The following KLHL13 variants were observed in gnomAD, a reference collection of about 807,000 sequenced individuals.
KLHL13 encodes kelch-like protein 13.
KLHL13 carries 10 observed loss-of-function variants against 37.1 expected under a neutral mutation model. That is an observed-to-expected ratio of 0.27 (90% CI 0.17 to 0.46). KLHL13 has a LOEUF of 0.46. Ranked by LOEUF, KLHL13 falls within the 20% of genes least tolerant of loss-of-function variation. The pLI is 1.00. For synonymous variants in KLHL13, 163 were observed against 181.2 expected, an observed-to-expected ratio of 0.90 and a Z score of 0.81; for missense variants, 360 against 509.3, an observed-to-expected ratio of 0.71 and a Z score of 2.82.
chrX:117,903,710 G>A (rs1233809359), intron 5 of KLHL13, among the ~76,000 whole-genome samples: 2 of 110,437 alleles, frequency 1.8e-5, no homozygotes, highest in Non-Finnish European at 3.8e-5. Context: ...GCCATTAATG[G>A]GAAGCTTTTA....
chrX:117,905,611 T>A (rs982426145), intron 5 of KLHL13, among the ~76,000 whole-genome samples: 2 of 111,838 alleles, frequency 1.8e-5, no homozygotes, highest in African/African-American at 6.5e-5. Context: ...AAAGGCCTAA[T>A]GCATTAAAGT....
At chrX:118,023,060 A>G in intron 1 of KLHL13, among the ~76,000 whole-genome samples, 1 of 111,930 alleles carries the variant, frequency 8.9e-6, no homozygotes, top group South Asian at 3.7e-4. Context: ...ATTTCTGTGT[A>G]CAATGTAATA....
At chrX:118,032,250 A>G (rs989585338) in intron 1 of KLHL13, among the ~76,000 whole-genome samples, 1 of 112,154 alleles carries the variant, frequency 8.9e-6, no homozygotes, top group African/African-American at 3.3e-5. Flanking sequence ...CAGCTCAAGG[A>G]GACCTGCCTG....
At position 117,963,559 on chromosome X, in the gene KLHL13, TTA is replaced by T. The variant is rs1228641472; in HGVS notation, c.98+9170_98+9171del. ...GCATGTGTCTTTATAGCAGCATGAT[TTA>T]TAGTCCTTTGGGTATATACCCAGTA... On this transcript the variant is annotated intron_variant, in intron 1 of 6. Coordinates refer to ENST00000262820, the Ensembl canonical transcript of KLHL13. Among the ~76,000 whole-genome samples, 157 of 107,285 alleles carry T rather than the reference TTA, an allele frequency of 1.5e-3. 1 individual carries two copies. The highest frequency in any genetic ancestry group is 5.1e-3 in the African/African-American group (149 of 29,368). 93.2% of individuals were successfully genotyped at this position (107,285 alleles called of 115,157 possible).
chrX:118,074,038 G>C (rs2054902571), intron 1 of KLHL13, among the ~76,000 whole-genome samples: 1 of 112,161 alleles, frequency 8.9e-6, no homozygotes, highest in Non-Finnish European at 1.9e-5. Context: ...TGACTCCCTT[G>C]TCCTATTTTT....
intron 1 of KLHL13, among the ~76,000 whole-genome samples, chrX:117,969,670 T>C (rs954665410): frequency 9.0e-6 from 1 of 111,718 alleles, no homozygotes; most frequent in African/African-American, 3.2e-5. Context: ...TGAAAGAATA[T>C]GTCTACCCAA....
chrX:117,898,912 G>A (rs1323980286), exon 7 of KLHL13: 1 of 1,200,164 alleles, frequency 8.3e-7, no homozygotes, highest in Admixed American at 2.2e-5. Flanking sequence ...ATGATCTTAA[G>A]GTGCAGAAAG....
chrX:118,025,094 T>G (rs1398198338), intron 1 of KLHL13, among the ~76,000 whole-genome samples: 1 of 111,965 alleles, frequency 8.9e-6, no homozygotes, highest in Non-Finnish European at 1.9e-5. Context: ...CAACATCCCC[T>G]GATCTACTCC....
intron 1 of KLHL13, among the ~76,000 whole-genome samples, chrX:118,038,434 C>T (rs1426489400): frequency 8.9e-6 from 1 of 111,793 alleles, no homozygotes; most frequent in Non-Finnish European, 1.9e-5. Context: ...TCGCCTACAT[C>T]ACCACCCCTC....
chrX:118,113,197 G>A (rs2055431555), intron 1 of KLHL13, among the ~76,000 whole-genome samples: 1 of 111,882 alleles, frequency 8.9e-6, no homozygotes, highest in South Asian at 3.8e-4. Flanking sequence ...AAACAGAGTA[G>A]AGGAACCGAA....
rs146335588 is a variant in KLHL13, at chrX:117,915,597, T to C, written c.570+3924A>G. On this transcript the variant is annotated intron_variant, in intron 4 of 6. Transcript: ENST00000262820. The stretch of plus-strand genomic sequence containing the variant: ...AAGCCCAATGACATATCTCATTCTC[T>C]TGTTAAAAAATGCTTTTATACAAAC... Among the ~76,000 whole-genome samples, 872 of 112,451 alleles carry C rather than the reference T, an allele frequency of 7.8e-3. 7 individuals carry two copies. The highest frequency in any genetic ancestry group is 0.027 in the African/African-American group (838 of 31,010).
intron 1 of KLHL13, among the ~76,000 whole-genome samples, chrX:118,003,448 A>T (rs1301696501): frequency 8.9e-6 from 1 of 112,110 alleles, no homozygotes; most frequent in African/African-American, 3.2e-5. Context: ...TTAAATGAAG[A>T]ACATAAAAAT....
At chrX:118,073,512 C>A (rs866324992) in intron 1 of KLHL13, among the ~76,000 whole-genome samples, 1 of 111,360 alleles carries the variant, frequency 9.0e-6, no homozygotes, top group Non-Finnish European at 1.9e-5. Flanking sequence ...ACCATATCAT[C>A]CCCCAATATC....
At chrX:117,923,063 A>T (rs993290616) in intron 2 of KLHL13, among the ~76,000 whole-genome samples, 5 of 111,980 alleles carry the variant, frequency 4.5e-5, no homozygotes, top group African/African-American at 1.6e-4. Flanking sequence ...GTGCATGCAC[A>T]GTAATCTACA....
intron 1 of KLHL13, among the ~76,000 whole-genome samples, chrX:118,041,795 A>G (rs2054508985): frequency 8.9e-6 from 1 of 111,760 alleles, no homozygotes; most frequent in African/African-American, 3.2e-5. Flanking sequence ...GGAAGACAGG[A>G]GGGAAGGAAA....
intron 1 of KLHL13, among the ~76,000 whole-genome samples, chrX:118,023,452 G>C (rs1240795607): frequency 9.0e-6 from 1 of 111,370 alleles, no homozygotes; most frequent in Non-Finnish European, 1.9e-5. Context: ...AACACCTTTG[G>C]ATTTTAACTT....
At chrX:118,093,699 A>G (rs1246806953) in intron 1 of KLHL13, among the ~76,000 whole-genome samples, 1 of 111,730 alleles carries the variant, frequency 9.0e-6, no homozygotes, top group Non-Finnish European at 1.9e-5. Flanking sequence ...GTAACTTATT[A>G]GTACATTCAA....
chrX:118,024,756 C>G (rs1263990505), intron 1 of KLHL13, among the ~76,000 whole-genome samples: 1 of 111,786 alleles, frequency 8.9e-6, no homozygotes. Context: ...AAGATTCTCA[C>G]TTATTATTGG....
At position 118,089,620 on chromosome X, in the gene KLHL13, G is replaced by GAAAGAAAGAAGAA. The variant is rs773944967; in HGVS notation, c.-56+26887_-56+26888insTTCTTCTTTCTTT. ...AGAGAGAGAGAGAGAGAGAAAGAAA[G>GAAAGAAAGAAGAA]AGAAAGAAAGAAAGAAAGAAAGAAA... On this transcript the variant is annotated intron_variant, in intron 1 of 6. Transcript: ENST00000371882. Among the ~76,000 whole-genome samples, 27 of 71,918 alleles carry GAAAGAAAGAAGAA rather than the reference G, an allele frequency of 3.8e-4. 1 individual carries two copies. The highest frequency in any genetic ancestry group is 1.4e-3 in the African/African-American group (24 of 17,296). The allele number at this position is 71,918 out of a possible 115,157, so 62.5% of individuals were successfully genotyped here. A position where few individuals can be genotyped will look rare whatever the true frequency, so the allele number is the denominator to read the frequency against.
Sources: allele counts gnomAD v4.1 joint callset (sites outside exome capture counted in the v4.1 genomes callset), GRCh38; gene constraint gnomAD v4.1.1; transcripts MANE v1.5; gene names NCBI Gene and HGNC (gene_info 2026-07-23, HGNC 2026-07-21).